Variants in CHUK observed in about 807,000 individuals in gnomAD.
CHUK encodes the protein component of inhibitor of nuclear factor kappa B kinase complex, also known as inhibitor of nuclear factor kappa-B kinase subunit alpha.
A neutral mutation model predicts 104.8 loss-of-function variants in CHUK; 35 were observed. The observed-to-expected ratio is 0.33, with a 90% CI of 0.26 to 0.44. The LOEUF is 0.44. CHUK is among the 20% of genes least tolerant of loss of function. The pLI, the probability that CHUK is intolerant of heterozygous loss-of-function variation, is 1.00. For synonymous variants in CHUK, 276 were observed against 291.9 expected (o/e 0.95, Z 0.56); for missense variants, 663 against 902.7 (o/e 0.73, Z 3.40).
At chr10:100,214,580 A>G (rs1845809284) in intron 9 of CHUK, among the ~76,000 whole-genome samples, 1 of 152,208 alleles carries the variant, frequency 6.6e-6, no homozygotes, top group Non-Finnish European at 1.5e-5. Context: ...AGAAAAGTAG[A>G]AAGGGATGGG....
At chr10:100,208,028 C>G (rs1471060356) in intron 10 of CHUK, among the ~76,000 whole-genome samples, 3 of 152,176 alleles carry the variant, frequency 2.0e-5, no homozygotes, top group African/African-American at 7.2e-5. Context: ...TCATATTTTA[C>G]CACCCATTTA....
intron 16 of CHUK, among the ~76,000 whole-genome samples, chr10:100,198,246 A>G (rs1000008521): frequency 4.6e-5 from 7 of 152,212 alleles, no homozygotes; most frequent in African/African-American, 9.7e-5. Flanking sequence ...AACGTAAACA[A>G]TTACTGAAGT....
Position 100,218,194 on chromosome 10 carries a change from T to C in CHUK, c.798-64A>G, listed in dbSNP as rs1001155209. 7 of 1,425,348 alleles carry C rather than the reference T, an allele frequency of 4.9e-6. No homozygotes were observed. The Admixed American group carries it at 5.0e-5, about 10-fold the overall frequency. The allele number at this position is 1,425,348 out of a possible 1,614,324, so 88.3% of individuals were successfully genotyped here. Reference sequence around the variant, plus strand: ...ATGTTCCAATTTCCCTTTATACTGTTAGAAAGGTAATTTTGCAGGTTGTCC... The same window carrying C: ...ATGTTCCAATTTCCCTTTATACTGTCAGAAAGGTAATTTTGCAGGTTGTCC... On this transcript the variant is annotated intron_variant, in intron 8 of 20. Transcript: ENST00000370397.
At chr10:100,194,166 A>AT in intron 17 of CHUK, 35 bp from the exon 18 acceptor site, 2 of 1,610,354 alleles carry the variant, frequency 1.2e-6, no homozygotes, top group Non-Finnish European at 1.7e-6. Flanking sequence ...ACACTTTCAC[A>AT]TGCCCCAAGA....
intron 6 of CHUK, 62 bp downstream of exon 6, chr10:100,219,208 G>C (rs1187046798): frequency 1.9e-6 from 3 of 1,562,824 alleles, no homozygotes; most frequent in Middle Eastern, 3.3e-4. Flanking sequence ...CTATATTCAT[G>C]ATCTTCAGAA....
intron 16 of CHUK, chr10:100,194,802 CT>C (rs1169313182): frequency 1.1e-4 from 29 of 260,850 alleles, no homozygotes; most frequent in Non-Finnish European, 1.9e-4. Flanking sequence ...TCTTGGCTAT[CT>C]TTAACCCATA....
At chr10:100,191,046 G>T in intron 19 of CHUK, 78 bp from the exon 20 acceptor site, 1 of 887,774 alleles carries the variant, frequency 1.1e-6, no homozygotes, top group Non-Finnish European at 1.9e-6. Context: ...AGTCTTCTAG[G>T]TTAGCAAGAT....
chr10:100,220,069 A>C (rs1205859849), intron 5 of CHUK, among the ~76,000 whole-genome samples: 2 of 152,204 alleles, frequency 1.3e-5, no homozygotes, highest in Admixed American at 1.3e-4. Context: ...GTTACCAATG[A>C]AATGAACATT....
chr10:100,211,226 T>C (rs1589590429), intron 9 of CHUK, among the ~76,000 whole-genome samples: 1 of 151,522 alleles, frequency 6.6e-6, no homozygotes, highest in East Asian at 1.9e-4. Flanking sequence ...GCCTATCTTG[T>C]TTCATCTATC....
intron 1 of CHUK, among the ~76,000 whole-genome samples, chr10:100,228,993 G>A (rs7897365): frequency 0.27 from 35,882 of 133,092 alleles, 5,620 homozygotes; most frequent in Non-Finnish European, 0.36. Context: ...GCGCGCGCGC[G>A]CACACACACA....
At chr10:100,194,853 G>T in intron 16 of CHUK, 1 of 178,946 alleles carries the variant, frequency 5.6e-6, no homozygotes, top group Non-Finnish European at 1.2e-5. Context: ...CTCTGGCCAA[G>T]GGAACAATTT....
chr10:100,216,470 G>C (rs567304009), intron 9 of CHUK, among the ~76,000 whole-genome samples: 1 of 152,136 alleles, frequency 6.6e-6, no homozygotes, highest in Admixed American at 6.5e-5. Context: ...TTGGGAAGTC[G>C]AGGTAGGAGG....
At chr10:100,200,140 A>C in intron 15 of CHUK, 120 bp from the exon 16 acceptor site, 1 of 805,958 alleles carries the variant, frequency 1.2e-6, no homozygotes, top group Non-Finnish European at 2.2e-6. Context: ...TCATATTGCC[A>C]ACAAGTATTT....
intron 9 of CHUK, among the ~76,000 whole-genome samples, chr10:100,210,706 G>A (rs1211095013): frequency 2.0e-5 from 3 of 152,200 alleles, no homozygotes; most frequent in Non-Finnish European, 2.9e-5. Context: ...ATTGTTATGC[G>A]TGGTGAGTTA....
intron 2 of CHUK, among the ~76,000 whole-genome samples, chr10:100,225,693 G>A (rs1368204046): frequency 1.3e-5 from 2 of 152,074 alleles, no homozygotes; most frequent in East Asian, 3.8e-4. Context: ...CGTAACAGTT[G>A]CACAATTTTA....
At chr10:100,201,591 A>G (rs371546736) in intron 14 of CHUK, among the ~76,000 whole-genome samples, 1 of 152,216 alleles carries the variant, frequency 6.6e-6, no homozygotes, top group Non-Finnish European at 1.5e-5. Context: ...GTGGTGGCTC[A>G]TGCCTATAAT....
At position 100,229,465 on chromosome 10, in the gene CHUK, G is replaced by A. The variant is rs1252140405; in HGVS notation, c.68C>T (p.Thr23Ile). 4 of 1,599,174 alleles carry A rather than the reference G, an allele frequency of 2.5e-6. No individual in the cohort carries two copies. The Admixed American group carries it at 6.8e-5, about 27-fold the overall frequency. Reference sequence around the variant, plus strand: ...CAGACAGACGTTCCCGAAGCCGCCGGTGCCCAGCCGCTCCCGCATCTCCCA... The same window carrying A: ...CAGACAGACGTTCCCGAAGCCGCCGATGCCCAGCCGCTCCCGCATCTCCCA... ...GPWEMRERLG[T>I]GGFGNVCLYQ... Residue 23 changes from threonine (T) to isoleucine (I), a missense_variant, in exon 1 of 21, where the codon ACC becomes ATC. Physicochemically the swap from Thr to Ile is moderately conservative, Grantham distance 89 (BLOSUM62 -1). This residue lies in a region of CHUK where 44 missense variants were observed against 39.2 expected (regional missense o/e 1.12). Coordinates refer to ENST00000370397, the MANE Select transcript of CHUK (RefSeq NM_001278.5).
intron 2 of CHUK, among the ~76,000 whole-genome samples, chr10:100,223,408 G>A (rs1292139735): frequency 6.6e-6 from 1 of 152,142 alleles, no homozygotes; most frequent in Non-Finnish European, 1.5e-5. Flanking sequence ...GGAGGCTGAG[G>A]TGGGAGGATT....
intron 3 of CHUK, 117 bp from the exon 4 acceptor site, chr10:100,222,298 AAATAC>A (rs1846008686): frequency 1.5e-6 from 1 of 666,860 alleles, no homozygotes; most frequent in Non-Finnish European, 2.7e-6. Context: ...AGTCATAATA[AAATAC>A]AAGGGAATAA....
Sources: allele counts gnomAD v4.1 joint callset (sites outside exome capture counted in the v4.1 genomes callset), GRCh38; gene constraint gnomAD v4.1.1; regional missense constraint gnomAD v4.1.1; transcripts MANE v1.5; gene names NCBI Gene and HGNC (gene_info 2026-07-23, HGNC 2026-07-21).